Variants in UGT1A8 observed in about 807,000 individuals in gnomAD.
The protein encoded by UGT1A8 is UDP-glucuronosyltransferase 1A8.
In UGT1A8, 39 loss-of-function variants were observed where a neutral mutation model predicts 45.3. The observed-to-expected ratio is 0.86, with a 90% confidence interval of 0.67 to 1.12. The LOEUF is 1.12. UGT1A8 is among the 50% of genes most tolerant of loss of function. The probability of loss-of-function intolerance (pLI) is 0.00; values close to 1 mark genes in which losing one functional copy is unlikely to be tolerated. For synonymous variants in UGT1A8, 275 were observed against 249.2 expected (o/e 1.10, Z -0.97); for missense variants, 719 against 664.9 (o/e 1.08, Z -0.90).
intron 1 of UGT1A8, chr2:233,743,045 T>C (rs397706649): frequency 6.3e-6 from 2 of 318,190 alleles, no homozygotes; most frequent in Non-Finnish European, 6.1e-6. Context: ...CCTATCCGTG[T>C]AGTCCCAACG....
In UGT1A8 at chr2:233,730,399, T is replaced by C. The variant is rs371215104; in HGVS notation, c.856-36635T>C. On this transcript the variant is annotated intron_variant, in intron 1 of 4. Coordinates refer to ENST00000373450, the MANE Select transcript of UGT1A8 (RefSeq NM_019076.5). ...GGGGAAAGATGATGCAACAGTAAAT[T>C]ACAATTGTTGACATGATAATTTTTA... Among the ~76,000 whole-genome samples, 4 of 152,338 alleles carry C rather than the reference T, an allele frequency of 2.6e-5. No individual in the cohort carries two copies. In the East Asian group the frequency reaches 7.7e-4, roughly 29 times the overall value.
intron 1 of UGT1A8, among the ~76,000 whole-genome samples, chr2:233,757,279 A>T (rs1159492481): frequency 7.8e-6 from 1 of 127,878 alleles, no homozygotes; most frequent in Admixed American, 8.4e-5. Context: ...GCAATGATTC[A>T]GAAGGGACAG....
At position 233,701,169 on chromosome 2, in the gene UGT1A8, G is replaced by A. The variant is rs28899173; in HGVS notation, c.856-65865G>A. 9.8e-3 allele frequency among the ~76,000 whole-genome samples: 1,493 copies of A among 152,126 alleles called. 33 individuals are homozygous for A. Among genetic ancestry groups the A allele is most frequent in the African/African-American group, 0.033 (1,365 of 41,476 alleles). On this transcript the variant is annotated intron_variant, in intron 1 of 4. Coordinates refer to ENST00000373450, the MANE Select transcript of UGT1A8 (RefSeq NM_019076.5). ...AGTCTTTGCTATTGTGAATAGTGCC[G>A]TTATAAACATACATGTGCATGTGTC... is the stretch of plus-strand genomic sequence containing the variant.
rs1022638248 is a variant in UGT1A8, at chr2:233,725,056, G to A, written c.856-41978G>A. On this transcript the variant is annotated intron_variant, in intron 1 of 4. Coordinates refer to ENST00000373450, the MANE Select transcript of UGT1A8 (RefSeq NM_019076.5). ...ACCAAAACCAGTCAGGCGTGGCGGC[G>A]CGCGCCTGCAATCGCAGGCACTCGG... Among the ~76,000 whole-genome samples the A allele has an allele frequency of 2.3e-4, 34 of 147,566 alleles. 1 individual carries two copies. Among genetic ancestry groups the A allele is most frequent in the African/African-American group, 3.0e-4 (12 of 39,600 alleles).
chr2:233,620,866 A>G (rs1170453539), intron 1 of UGT1A8, among the ~76,000 whole-genome samples: 1 of 152,164 alleles, frequency 6.6e-6, no homozygotes, highest in East Asian at 1.9e-4. Flanking sequence ...AAAAGCATGC[A>G]GTTGGTTACA....
intron 1 of UGT1A8, chr2:233,713,552 T>G (rs917913178): frequency 1.9e-6 from 3 of 1,613,858 alleles, no homozygotes; most frequent in Non-Finnish European, 2.5e-6. Flanking sequence ...GCACACAGTG[T>G]CCAAACCCTT....
intron 1 of UGT1A8, chr2:233,690,546 T>A (rs527999000): frequency 1.5e-5 from 19 of 1,289,592 alleles, no homozygotes; most frequent in Non-Finnish European, 1.9e-5. Flanking sequence ...CCCACTGGAA[T>A]ATGTCCCAAG....
At chr2:233,758,400 T>C (rs1696865651) in intron 1 of UGT1A8, among the ~76,000 whole-genome samples, 1 of 152,196 alleles carries the variant, frequency 6.6e-6, no homozygotes, top group African/African-American at 2.4e-5. Context: ...TTATAGCCCC[T>C]TTACTGTCTA....
intron 1 of UGT1A8, chr2:233,756,408 G>C (rs1234137074): frequency 1.3e-5 from 2 of 151,750 alleles, no homozygotes; most frequent in Non-Finnish European, 2.9e-5. Flanking sequence ...TTTTTTATTT[G>C]TATTATTTGT....
At chr2:233,764,688 C>G (rs530219647) in intron 1 of UGT1A8, among the ~76,000 whole-genome samples, 2 of 152,144 alleles carry the variant, frequency 1.3e-5, no homozygotes, top group Non-Finnish European at 2.9e-5. Context: ...ACTTGAAGAG[C>G]ACTTGGAAAT....
intron 1 of UGT1A8, among the ~76,000 whole-genome samples, chr2:233,724,739 C>T (rs1254831303): frequency 5.5e-5 from 8 of 144,282 alleles, no homozygotes; most frequent in African/African-American, 1.6e-4. Flanking sequence ...AGAGGGGCTC[C>T]TCACATCCCA....
intron 1 of UGT1A8, among the ~76,000 whole-genome samples, chr2:233,727,123 C>T (rs2077584182): frequency 1.3e-5 from 2 of 152,116 alleles, no homozygotes; most frequent in Non-Finnish European, 2.9e-5. Flanking sequence ...GTGAGATTGG[C>T]AGAGGGGAAC....
At chr2:233,622,563 C>G (rs1394576519) in intron 1 of UGT1A8, among the ~76,000 whole-genome samples, 1 of 152,046 alleles carries the variant, frequency 6.6e-6, no homozygotes, top group African/African-American at 2.4e-5. Context: ...CCTTTGCCCA[C>G]TTTTGATGGG....
intron 1 of UGT1A8, among the ~76,000 whole-genome samples, chr2:233,751,506 C>A (rs1237689489): frequency 1.3e-5 from 2 of 152,104 alleles, no homozygotes; most frequent in Non-Finnish European, 2.9e-5. Context: ...TTGGGAGGGG[C>A]CAGAGGGCAG....
intron 1 of UGT1A8, among the ~76,000 whole-genome samples, chr2:233,686,411 G>A (rs1479492312): frequency 6.6e-6 from 1 of 152,120 alleles, no homozygotes; most frequent in African/African-American, 2.4e-5. Flanking sequence ...ATTAAGGTGT[G>A]CAGATAAACA....
chr2:233,628,301 G>C (rs1377014049), intron 1 of UGT1A8, among the ~76,000 whole-genome samples: 1 of 149,806 alleles, frequency 6.7e-6, no homozygotes, highest in Non-Finnish European at 1.5e-5. Flanking sequence ...GATATTTCTA[G>C]TTTATGTGGT....
chr2:233,712,755 G>A (rs28898599), intron 1 of UGT1A8, among the ~76,000 whole-genome samples: 1,732 of 152,288 alleles, frequency 0.011, 28 homozygotes, highest in African/African-American at 0.04. Context: ...TCCCCAGAGC[G>A]AGCGCAAGGT....
chr2:233,650,270 A>G (rs1047414045), intron 1 of UGT1A8, among the ~76,000 whole-genome samples: 2 of 152,160 alleles, frequency 1.3e-5, no homozygotes, highest in African/African-American at 4.8e-5. Context: ...GTACCTGGCC[A>G]AGGTCTGGAT....
At chr2:233,628,448 A>G (rs1177770534) in intron 1 of UGT1A8, among the ~76,000 whole-genome samples, 1 of 152,134 alleles carries the variant, frequency 6.6e-6, no homozygotes, top group Non-Finnish European at 1.5e-5. Flanking sequence ...TAGAAAGAAG[A>G]TTAGTTTTTA....
Sources: allele counts gnomAD v4.1 joint callset (sites outside exome capture counted in the v4.1 genomes callset), GRCh38; gene constraint gnomAD v4.1.1; transcripts MANE v1.5; gene names NCBI Gene and HGNC (gene_info 2026-07-23, HGNC 2026-07-21).